NECAP2: variants seen among roughly 807,000 people sequenced by gnomAD.
NECAP2 encodes the protein adaptin ear-binding coat-associated protein 2.
NECAP2 carries 38 observed loss-of-function variants against 37.8 expected under a neutral mutation model. The observed-to-expected ratio is 1.01, with a 90% CI of 0.78 to 1.32. The LOEUF (loss-of-function observed/expected upper bound fraction) is 1.32, where lower values mean the gene tolerates loss of function less well. Among genes scored for constraint, NECAP2 ranks in the 40% most tolerant of loss-of-function variants. The pLI is 0.00. For missense variants in NECAP2, 316 were observed against 334.5 expected, an observed-to-expected ratio of 0.94 and a Z score of 0.43; for synonymous variants, 121 against 127.7, an observed-to-expected ratio of 0.95 and a Z score of 0.35.
Position 16,459,213 on chromosome 1 carries a change from A to T in NECAP2, c.*323A>T. ...ACCTGTATTAAACACAAGCCCCCCA[A>T]GCAAAAGAAGAGGTTGAGTTTGCTG... On this transcript the variant is annotated 3_prime_UTR_variant, in exon 8 of 8. Coordinates refer to ENST00000337132, the MANE Select transcript of NECAP2 (RefSeq NM_018090.5). 1 of 385,686 alleles carries T rather than the reference A, an allele frequency of 2.6e-6. No individual in the cohort carries two copies. The highest frequency in any genetic ancestry group is 4.7e-5 in the East Asian group (1 of 21,146). 23.9% of individuals were successfully genotyped at this position (385,686 alleles called of 1,614,324 possible).
intron 7 of NECAP2, 94 bp from the exon 8 acceptor site, chr1:16,458,748 A>T: frequency 3.0e-6 from 4 of 1,335,088 alleles, no homozygotes; most frequent in Non-Finnish European, 3.2e-6. Context: ...CTGGCTTCTT[A>T]GAGCTTTTTC....
chr1:16,449,196 A>G lies in NECAP2; in HGVS notation c.484A>G (p.Ile162Val), dbSNP rs377575273. Reference protein sequence around the residue: ...FKEGQTIKLNIANMKKKEGAA... With the variant: ...FKEGQTIKLNVANMKKKEGAA... ...GGAGGGCCAGACCATCAAGCTCAAC[A>G]TCGCAGTGAGTTCTACCCTTGCTTG... Residue 162 changes from isoleucine to valine, a missense_variant, in exon 5 of 8, where the codon ATC becomes GTC. By Grantham distance (29) the Ile-to-Val change is conservative. Transcript: ENST00000337132. 6.8e-6 allele frequency: 11 copies of G among 1,608,682 alleles called. No individual in the cohort carries two copies. The highest frequency in any genetic ancestry group is 3.4e-5 in the Admixed American group (2 of 59,402).
Position 16,448,048 on chromosome 1 carries a change from G to GTTGT in NECAP2, c.299-10_299-7dup. On this transcript the variant is annotated splice_polypyrimidine_tract_variant and intron_variant, in intron 3 of 7. Coordinates refer to ENST00000337132, the MANE Select transcript of NECAP2 (RefSeq NM_018090.5). ...CCTTTGGAAGGTGGGTTGATCATGT[G>GTTGT]TTGTTCCCCAGGGCGACGGGCGTTT... 6.2e-7 allele frequency: 1 copy of GTTGT among 1,614,204 alleles called. No homozygotes were observed. The highest frequency in any genetic ancestry group is 8.5e-7 in the Non-Finnish European group (1 of 1,180,030).
intron 2 of NECAP2, among the ~76,000 whole-genome samples, chr1:16,444,077 G>A (rs1295037460): frequency 2.0e-5 from 3 of 152,152 alleles, no homozygotes; most frequent in South Asian, 4.1e-4. Flanking sequence ...GCCCTCTGCC[G>A]CTGGGCTCTG....
intron 5 of NECAP2, chr1:16,450,193 C>G (rs1293596997): frequency 2.2e-6 from 1 of 454,658 alleles, no homozygotes; most frequent in East Asian, 7.0e-5. Context: ...GTGATTCTTT[C>G]TCTCGCTTGG....
chr1:16,455,874 G>A lies in NECAP2; in HGVS notation c.724G>A (p.Asp242Asn). 1 of 1,614,120 alleles carries A rather than the reference G, an allele frequency of 6.2e-7. No individual in the cohort carries two copies. Among genetic ancestry groups the A allele is most frequent in the Non-Finnish European group, 8.5e-7 (1 of 1,179,992 alleles). The change falls in exon 7 of 8, where the codon GAC (aspartate) becomes AAC (asparagine). Residue 242 changes from aspartate to asparagine, a missense_variant. Coordinates refer to ENST00000337132, the MANE Select transcript of NECAP2 (RefSeq NM_018090.5). ...TCCTGCCACTGCTGACATCTGGGGAGACTTTACCAAATCTACAGGGTAAGG... is the reference window on the plus strand; with the variant it reads ...TCCTGCCACTGCTGACATCTGGGGAAACTTTACCAAATCTACAGGGTAAGG... ...PNPATADIWG[D>N]FTKSTGSTSS...
chr1:16,443,134 C>G (rs1423260427), intron 1 of NECAP2, among the ~76,000 whole-genome samples: 1 of 152,186 alleles, frequency 6.6e-6, no homozygotes, highest in African/African-American at 2.4e-5. Context: ...CAGAATCAGG[C>G]CCCTGCAGCT....
chr1:16,458,711 T>G (rs888729879), intron 7 of NECAP2, 131 bp from the exon 8 acceptor site: 3 of 883,672 alleles, frequency 3.4e-6, no homozygotes, highest in Non-Finnish European at 5.3e-6. Flanking sequence ...CAGAGTTTGC[T>G]GACTGCTGCT....
At chr1:16,451,000 C>T (rs2086834145) in intron 5 of NECAP2, 1 of 152,186 alleles carries the variant, frequency 6.6e-6, no homozygotes, top group African/African-American at 2.4e-5. Flanking sequence ...TTGCACCTTG[C>T]TCAAGATGCA....
intron 5 of NECAP2, chr1:16,450,426 C>A: frequency 4.0e-6 from 1 of 247,842 alleles, no homozygotes; most frequent in Non-Finnish European, 8.1e-6. Flanking sequence ...CAGCTGTGCT[C>A]ACACTGAGGT....
intron 6 of NECAP2, 73 bp downstream of exon 6, chr1:16,452,088 G>GT: frequency 1.4e-6 from 2 of 1,439,290 alleles, no homozygotes; most frequent in Non-Finnish European, 1.9e-6. Context: ...AGGCCCCATG[G>GT]TTTCCCCCCC....
Position 16,451,866 on chromosome 1 carries a change from G to A in NECAP2, c.518G>A (p.Gly173Glu). 6.2e-7 allele frequency: 1 copy of A among 1,614,002 alleles called. No individual in the cohort carries two copies. The highest frequency in any genetic ancestry group is 8.5e-7 in the Non-Finnish European group (1 of 1,179,958). Residue 173 changes from glycine (G) to glutamate (E), a missense_variant, in exon 6 of 8, where the codon GGG (glycine) becomes GAG (glutamate). This residue lies in a region of NECAP2 where 204 missense variants were observed against 188.6 expected (regional missense o/e 1.08). Transcript: ENST00000337132. ...ATGAAGAAGAAGGAAGGAGCAGCTG[G>A]GAATCCCCGAGTCCGGCCTGCCAGC... ...ANMKKKEGAA[G>E]NPRVRPASTG...
At chr1:16,455,916 G>A (rs773965699) in intron 7 of NECAP2, 23 bp downstream of exon 7, 6 of 1,597,454 alleles carry the variant, frequency 3.8e-6, no homozygotes, top group Non-Finnish European at 8.6e-7. Context: ...ATGTTCTGCG[G>A]AGGGGCTGGG....
At chr1:16,458,128 C>G (rs2086956032) in intron 7 of NECAP2, among the ~76,000 whole-genome samples, 1 of 152,138 alleles carries the variant, frequency 6.6e-6, no homozygotes, top group African/African-American at 2.4e-5. Context: ...TTTGAGGAGT[C>G]TGATTTTTCC....
At chr1:16,442,417 T>G (rs978669219) in intron 1 of NECAP2, among the ~76,000 whole-genome samples, 1 of 152,176 alleles carries the variant, frequency 6.6e-6, no homozygotes, top group Non-Finnish European at 1.5e-5. Context: ...CTCCTTAGCC[T>G]GAATCTCAGG....
In NECAP2 at chr1:16,443,834, T is replaced by C; in HGVS notation, c.193+102T>C. 4 of 855,376 alleles carry C rather than the reference T, an allele frequency of 4.7e-6. No individual in the cohort carries two copies. In the Admixed American group the frequency reaches 6.2e-5, roughly 13 times the overall value. The allele number at this position is 855,376 out of a possible 1,614,324, so 53.0% of individuals were successfully genotyped here. A position where few individuals can be genotyped will look rare whatever the true frequency, so the allele number is the denominator to read the frequency against. ...AGGCTGCTCAGGGGTCATGGGAACC[T>C]GTCCTGAAAAATCAGAGACGTGTGT... On this transcript the variant is annotated intron_variant, in intron 2 of 7. Transcript: ENST00000337132.
chr1:16,452,822 G>A lies in NECAP2; in HGVS notation c.667+807G>A, dbSNP rs935763731. On this transcript the variant is annotated intron_variant, in intron 6 of 7. Coordinates refer to ENST00000337132, the MANE Select transcript of NECAP2 (RefSeq NM_018090.5). ...AGCTTGATGCTCCTGGCCTTCCCCAGGCTGGGCGATTGTCACCAGCGTGCC... is the reference window on the plus strand; with the variant it reads ...AGCTTGATGCTCCTGGCCTTCCCCAAGCTGGGCGATTGTCACCAGCGTGCC... Among the ~76,000 whole-genome samples the A allele has an allele frequency of 2.1e-5, 3 of 145,300 alleles. 1 individual carries two copies. Among genetic ancestry groups the A allele is most frequent in the East Asian group, 4.7e-4 (2 of 4,296 alleles).
At position 16,440,750 on chromosome 1, in the gene NECAP2, C is replaced by T. The variant is rs149798654; in HGVS notation, c.-12C>T. On this transcript the variant is annotated 5_prime_UTR_variant, in exon 1 of 8. Transcript: ENST00000337132. Reference sequence around the variant, plus strand: ...GAAGTCGCCGGAAGTTCGGTGGGCTCCAGGCGTCGCGATGGAGGAGAGCGG... The same window carrying T: ...GAAGTCGCCGGAAGTTCGGTGGGCTTCAGGCGTCGCGATGGAGGAGAGCGG... 5.6e-6 allele frequency: 9 copies of T among 1,612,180 alleles called. No homozygotes were observed. Among genetic ancestry groups the T allele is most frequent in the South Asian group, 4.4e-5 (4 of 91,026 alleles).
rs768928373 is a variant in NECAP2, at chr1:16,440,830, G to T, written c.69G>T (p.Pro23=). ...KPDVHVYRIP[P]RATNRGYRAA... ...ACGTCCACGTCTACCGCATCCCTCCGCGGGCTACCAACCGTGGCTACAGGT... is the reference window on the plus strand; with the variant it reads ...ACGTCCACGTCTACCGCATCCCTCCTCGGGCTACCAACCGTGGCTACAGGT... Residue 23 remains proline, a synonymous_variant, in exon 1 of 8, where the codon CCG becomes CCT. Transcript: ENST00000337132. 6.2e-7 allele frequency: 1 copy of T among 1,614,144 alleles called. No homozygotes were observed. Among genetic ancestry groups the T allele is most frequent in the Admixed American group, 1.7e-5 (1 of 60,030 alleles).
Sources: allele counts gnomAD v4.1 joint callset (sites outside exome capture counted in the v4.1 genomes callset), GRCh38; gene constraint gnomAD v4.1.1; regional missense constraint gnomAD v4.1.1; transcripts MANE v1.5; gene names NCBI Gene and HGNC (gene_info 2026-07-23, HGNC 2026-07-21).